The following CCDC171 variants were observed in gnomAD, a reference collection of about 807,000 sequenced individuals.
CCDC171 encodes the protein coiled-coil domain containing 171.
In CCDC171, 177 loss-of-function variants were observed where a neutral mutation model predicts 168.2. That is an observed-to-expected ratio of 1.05 (90% confidence interval 0.93 to 1.19). The LOEUF (loss-of-function observed/expected upper bound fraction) is 1.19, where lower values mean the gene tolerates loss of function less well. CCDC171 is among the 50% of genes most tolerant of loss of function. The pLI is 0.00. For synonymous variants in CCDC171, 687 were observed against 540.8 expected (o/e 1.27, Z -3.75); for missense variants, 1,991 against 1,539.0 (o/e 1.29, Z -4.91).
intron 7 of CCDC171, among the ~76,000 whole-genome samples, chr9:15,634,067 C>G (rs1212601901): frequency 1.3e-5 from 2 of 152,024 alleles, no homozygotes; most frequent in African/African-American, 4.8e-5. Flanking sequence ...GGAGATACAC[C>G]TAATGCTAAA....
chr9:15,796,873 C>T lies in CCDC171; in HGVS notation c.3267+12179C>T, dbSNP rs188623683. 5.4e-4 allele frequency among the ~76,000 whole-genome samples: 82 copies of T among 152,282 alleles called. 1 individual carries two copies. The highest frequency in any genetic ancestry group is 1.3e-4 in the Non-Finnish European group (9 of 68,024). On this transcript the variant is annotated intron_variant, in intron 21 of 25. Transcript: ENST00000380701. ...GATTCCCCTATAGCAGACTCAAGCA[C>T]CAGTGCTAAGGGAGAAACCAGTGGG...
chr9:15,979,445 G>A (rs1831725388), intron 3 of CCDC171, among the ~76,000 whole-genome samples: 1 of 152,052 alleles, frequency 6.6e-6, no homozygotes, highest in African/African-American at 2.4e-5. Context: ...CCCTTTATCA[G>A]GTTGAAGATG....
intron 3 of CCDC171, among the ~76,000 whole-genome samples, chr9:16,016,922 A>T (rs929552148): frequency 1.3e-5 from 2 of 152,198 alleles, no homozygotes; most frequent in African/African-American, 4.8e-5. Context: ...GCATGCAGAC[A>T]GCATGCACAA....
chr9:16,017,201 T>C (rs111647776), intron 3 of CCDC171, among the ~76,000 whole-genome samples: 3 of 152,330 alleles, frequency 2.0e-5, no homozygotes, highest in African/African-American at 7.2e-5. Flanking sequence ...AAATGCTGTC[T>C]ATACCCTTTA....
intron 23 of CCDC171, among the ~76,000 whole-genome samples, chr9:15,864,341 G>C (rs1197770037): frequency 4.6e-5 from 7 of 151,860 alleles, no homozygotes; most frequent in African/African-American, 9.7e-5. Context: ...TTAAGTTCTA[G>C]GGTACATGTG....
intron 7 of CCDC171, among the ~76,000 whole-genome samples, chr9:15,649,723 G>A (rs1418330537): frequency 6.6e-6 from 1 of 152,120 alleles, no homozygotes; most frequent in Non-Finnish European, 1.5e-5. Context: ...CAGTTAGAAT[G>A]GCAATCATTA....
At chr9:15,908,506 C>T (rs201550204) in intron 24 of CCDC171, among the ~76,000 whole-genome samples, 10 of 30,836 alleles carry the variant, frequency 3.2e-4, no homozygotes, top group Admixed American at 5.0e-4. Flanking sequence ...GGCCTGTTGT[C>T]GGGTGGGGGG....
intron 21 of CCDC171, among the ~76,000 whole-genome samples, chr9:15,838,149 G>A (rs181163323): frequency 6.6e-6 from 1 of 152,222 alleles, no homozygotes; most frequent in Admixed American, 6.5e-5. Context: ...TGGCTAGAAT[G>A]TGCGTTTATA....
chr9:16,056,007 C>A (rs1833833200), intron 1 of CCDC171, among the ~76,000 whole-genome samples: 1 of 152,152 alleles, frequency 6.6e-6, no homozygotes, highest in Non-Finnish European at 1.5e-5. Context: ...AAGGAGGCAA[C>A]AACATGGAAG....
chr9:15,721,049 C>T (rs904307243), intron 11 of CCDC171, among the ~76,000 whole-genome samples: 1 of 152,138 alleles, frequency 6.6e-6, no homozygotes, highest in Non-Finnish European at 1.5e-5. Flanking sequence ...CCTTTATTAG[C>T]TCAACTAACA....
intron 23 of CCDC171, among the ~76,000 whole-genome samples, chr9:15,864,814 A>C (rs868501753): frequency 6.6e-6 from 1 of 152,092 alleles, no homozygotes; most frequent in Non-Finnish European, 1.5e-5. Context: ...TAAAAGTAAG[A>C]AAACTTAGGT....
chr9:15,866,708 G>A (rs995234111), intron 23 of CCDC171, among the ~76,000 whole-genome samples: 1 of 152,002 alleles, frequency 6.6e-6, no homozygotes, highest in Admixed American at 6.6e-5. Context: ...AAGAAAGAAG[G>A]CAGTATAGCA....
At position 15,629,458 on chromosome 9, in the gene CCDC171, A is replaced by G. The variant is rs1197738524; in HGVS notation, c.822+6045A>G. Among the ~76,000 whole-genome samples, 15 of 152,300 alleles carry G rather than the reference A, an allele frequency of 9.8e-5. No homozygotes were observed. In the East Asian group the frequency reaches 2.9e-3, roughly 29 times the overall value. On this transcript the variant is annotated intron_variant, in intron 7 of 25. Coordinates refer to ENST00000380701, the MANE Select transcript of CCDC171 (RefSeq NM_173550.4). ...GAAGATCAAATGAATGAAATGAAGC[A>G]AGAAGGGAAGTTTAGAGAAAAAAGA...
chr9:15,831,941 G>A (rs552188975), intron 21 of CCDC171, among the ~76,000 whole-genome samples: 1 of 152,018 alleles, frequency 6.6e-6, no homozygotes, highest in Non-Finnish European at 1.5e-5. Context: ...TAGTTAGAGG[G>A]TGTTTGAGTA....
chr9:15,732,566 G>C (rs927065122), intron 16 of CCDC171, among the ~76,000 whole-genome samples: 7 of 152,056 alleles, frequency 4.6e-5, no homozygotes, highest in African/African-American at 1.7e-4. Flanking sequence ...TTTGGGTCTG[G>C]TTACTTTCAC....
rs553633796 is a variant in CCDC171 at position 15,568,344 on chromosome 9, C to T, written c.42-3280C>T. On this transcript the variant is annotated intron_variant, in intron 2 of 25. Transcript: ENST00000380701. ...GGAGTGCAGTGGCGCGATCTTGGCT[C>T]GCTGCAAGCTCCGCCTCCCGGGCTT... 3.9e-3 allele frequency among the ~76,000 whole-genome samples: 573 copies of T among 148,620 alleles called. 1 individual carries two copies. Among genetic ancestry groups the T allele is most frequent in the African/African-American group, 0.014 (558 of 40,058 alleles).
chr9:15,965,676 G>T (rs1451268760), intron 25 of CCDC171, among the ~76,000 whole-genome samples: 1 of 123,476 alleles, frequency 8.1e-6, no homozygotes, highest in Non-Finnish European at 1.8e-5. Flanking sequence ...CATTTGAGAA[G>T]AGTGAAAAAG....
At chr9:15,614,416 A>T (rs936888362) in intron 6 of CCDC171, among the ~76,000 whole-genome samples, 1 of 152,184 alleles carries the variant, frequency 6.6e-6, no homozygotes, top group Non-Finnish European at 1.5e-5. Flanking sequence ...ACAAGTTAAA[A>T]TGCCACATAT....
intron 7 of CCDC171, among the ~76,000 whole-genome samples, chr9:15,628,527 A>G (rs2045372951): frequency 6.6e-6 from 1 of 152,208 alleles, no homozygotes; most frequent in African/African-American, 2.4e-5. Flanking sequence ...GCAGCTGGGA[A>G]GCTTGAATTG....
Sources: allele counts gnomAD v4.1 joint callset (sites outside exome capture counted in the v4.1 genomes callset), GRCh38; gene constraint gnomAD v4.1.1; transcripts MANE v1.5; gene names NCBI Gene and HGNC (gene_info 2026-07-23, HGNC 2026-07-21).